Variants in SNRPN observed in about 807,000 individuals in gnomAD.
SNRPN encodes the protein small nuclear ribonucleoprotein-associated protein N.
A neutral mutation model predicts 25.2 loss-of-function variants in SNRPN; 7 were observed. That is an observed-to-expected ratio of 0.28 (90% CI 0.16 to 0.52). SNRPN has a LOEUF of 0.52. Among genes scored for constraint, SNRPN ranks in the 20% least tolerant of loss-of-function variants. The probability of loss-of-function intolerance (pLI) is 0.96; values close to 1 mark genes in which losing one functional copy is unlikely to be tolerated. For missense variants in SNRPN, 196 were observed against 322.5 expected (o/e 0.61, Z 3.00); for synonymous variants, 124 against 110.6 (o/e 1.12, Z -0.76).
intron 1 of SNRPN, among the ~76,000 whole-genome samples, chr15:24,874,444 AGGTG>A (rs1023271156): frequency 6.6e-6 from 1 of 152,100 alleles, no homozygotes; most frequent in African/African-American, 2.4e-5. Context: ...TTTAGAGTAA[AGGTG>A]GTAGATGCAA....
rs190426920 is a variant in SNRPN, at chr15:24,937,718, C to T, written c.-391+17594C>T. 8.7e-3 allele frequency among the ~76,000 whole-genome samples: 1,323 copies of T among 152,300 alleles called. 11 individuals carry two copies. Among genetic ancestry groups the T allele is most frequent in the Non-Finnish European group, 0.013 (888 of 68,012 alleles). On this transcript the variant is annotated intron_variant, in intron 3 of 11. Transcript: ENST00000400097. ...CCATCACCACTGTCTAGCTCTAGAA[C>T]TTTTTGTCTTACAAAACTGAAAATT... is the stretch of plus-strand genomic sequence containing the variant.
chr15:24,923,718 G>C (rs2060173343), intron 3 of SNRPN, among the ~76,000 whole-genome samples: 1 of 151,940 alleles, frequency 6.6e-6, no homozygotes, highest in Non-Finnish European at 1.5e-5. Flanking sequence ...AAACATACTT[G>C]TCTGAGCCCA....
At chr15:24,925,389 C>T (rs1003798901) in intron 3 of SNRPN, among the ~76,000 whole-genome samples, 13 of 151,764 alleles carry the variant, frequency 8.6e-5, no homozygotes, top group African/African-American at 1.9e-4. Context: ...ATGGGAAGAT[C>T]GCTCAAGGCC....
At chr15:24,865,625 G>C (rs1341271906) in intron 1 of SNRPN, among the ~76,000 whole-genome samples, 4 of 152,154 alleles carry the variant, frequency 2.6e-5, no homozygotes, top group Non-Finnish European at 4.4e-5. Context: ...TTAGCTGCTA[G>C]AGAAAAAGAT....
Position 24,867,626 on chromosome 15 carries a change from G to A in SNRPN, c.-579+10910G>A, listed in dbSNP as rs138317309. Among the ~76,000 whole-genome samples, 1,323 of 143,462 alleles carry A rather than the reference G, an allele frequency of 9.2e-3. 20 individuals are homozygous for A. Among genetic ancestry groups the A allele is most frequent in the African/African-American group, 0.031 (1,219 of 39,842 alleles). 94.1% of individuals were successfully genotyped at this position (143,462 alleles called of 152,430 possible). On this transcript the variant is annotated intron_variant, in intron 1 of 11. Coordinates refer to the SNRPN transcript ENST00000400097. ...CCTGACCTCATGATCCACCCGCCTC[G>A]GCCTCCCAAAGTGCTGGGATTACAG...
chr15:24,905,440 C>T (rs1025614593), intron 2 of SNRPN, among the ~76,000 whole-genome samples: 5 of 145,548 alleles, frequency 3.4e-5, no homozygotes, highest in East Asian at 2.1e-4. Context: ...ACCCGGGAGG[C>T]GGAGGTGGCA....
In SNRPN at chr15:24,929,356, T is replaced by C. The variant is rs74003515; in HGVS notation, c.-391+9232T>C. Among the ~76,000 whole-genome samples the C allele has an allele frequency of 0.02, 3,047 of 152,140 alleles. 86 individuals are homozygous for C. Among genetic ancestry groups the C allele is most frequent in the African/African-American group, 0.069 (2,863 of 41,524 alleles). On this transcript the variant is annotated intron_variant, in intron 3 of 11. Transcript: ENST00000400097. This position sits in a 1 kb window ranked among gnomAD's most constrained non-coding sequence, Gnocchi z 5.3. Reference sequence around the variant, plus strand: ...TTTCCCTACTCTCCCCCTTGCCTCCTAGGGTCCCCTTTCCTCTCATCAGTT... The same window carrying C: ...TTTCCCTACTCTCCCCCTTGCCTCCCAGGGTCCCCTTTCCTCTCATCAGTT...
intron 2 of SNRPN, among the ~76,000 whole-genome samples, chr15:24,847,017 A>G (rs1276448809): frequency 6.6e-6 from 1 of 152,162 alleles, no homozygotes; most frequent in Non-Finnish European, 1.5e-5. Flanking sequence ...TTCACAAAAA[A>G]TTTTAGTATT....
chr15:24,953,549 C>A (rs889201050), upstream of SNRPN, among the ~76,000 whole-genome samples: 4 of 152,166 alleles, frequency 2.6e-5, no homozygotes, highest in African/African-American at 7.2e-5. Context: ...TCTCGATCTC[C>A]TGACCTCGTG....
chr15:24,954,202 A>G (rs561577847), upstream of SNRPN, among the ~76,000 whole-genome samples: 1 of 152,154 alleles, frequency 6.6e-6, no homozygotes, highest in East Asian at 1.9e-4. Flanking sequence ...TTACTTGTCC[A>G]TTAGTATTAT....
upstream of SNRPN, among the ~76,000 whole-genome samples, chr15:24,852,572 T>C (rs1351242617): frequency 2.0e-5 from 3 of 152,236 alleles, no homozygotes; most frequent in African/African-American, 7.2e-5. Context: ...AAATTAAACA[T>C]ATTTTTCCAA....
intron 2 of SNRPN, among the ~76,000 whole-genome samples, chr15:24,834,986 A>AATAG (rs10678777): frequency 0.13 from 5,914 of 44,962 alleles, 1,717 homozygotes; most frequent in East Asian, 0.35. Flanking sequence ...CTATATATAA[A>AATAG]ATAGATATAT....
intron 1 of SNRPN, among the ~76,000 whole-genome samples, chr15:24,959,203 A>T (rs1260603161): frequency 1.3e-5 from 2 of 152,212 alleles, no homozygotes; most frequent in Non-Finnish European, 2.9e-5. Flanking sequence ...TGATGTCCTC[A>T]GTTTCATAAA....
At chr15:24,918,889 C>CA (rs2059819493) in intron 2 of SNRPN, among the ~76,000 whole-genome samples, 1 of 73,754 alleles carries the variant, frequency 1.4e-5, no homozygotes, top group Non-Finnish European at 2.5e-5. Context: ...ATATATATAA[C>CA]ATAATATATA....
Position 24,923,106 on chromosome 15 carries a change from A to G in SNRPN, c.-391+2982A>G, listed in dbSNP as rs539368198. ...TTTTTAGCAGAGATGGGGTTTTACCATGTTGTCCAGGCTGGTCTCGAACTC... is the reference window on the plus strand; with the variant it reads ...TTTTTAGCAGAGATGGGGTTTTACCGTGTTGTCCAGGCTGGTCTCGAACTC... On this transcript the variant is annotated intron_variant, in intron 3 of 11. Transcript: ENST00000400097. Among the ~76,000 whole-genome samples, 34 of 152,030 alleles carry G rather than the reference A, an allele frequency of 2.2e-4. 1 individual carries two copies. Among genetic ancestry groups the G allele is most frequent in the East Asian group, 9.7e-4 (5 of 5,156 alleles).
At chr15:24,950,466 C>G (rs529051300), upstream of SNRPN, among the ~76,000 whole-genome samples, 11 of 151,692 alleles carry the variant, frequency 7.3e-5, no homozygotes, top group South Asian at 2.3e-3. Context: ...TGAGCCACCA[C>G]CAGTTTTTTA....
chr15:24,962,127 C>T lies in SNRPN; in HGVS notation c.-377C>T. The T allele has an allele frequency of 6.2e-7, 1 of 1,614,098 alleles. No homozygotes were observed. Among genetic ancestry groups the T allele is most frequent in the Non-Finnish European group, 8.5e-7 (1 of 1,180,014 alleles). On this transcript the variant is annotated 5_prime_UTR_variant, in exon 2 of 10. Transcript: ENST00000390687. ...TTTCTGTTTCAGGGATCGCTTACAC[C>T]TGAGACGAACTACAGAACAGCACGT...
At chr15:24,960,091 CCT>C (rs964199725) in intron 1 of SNRPN, among the ~76,000 whole-genome samples, 32 of 152,004 alleles carry the variant, frequency 2.1e-4, no homozygotes, top group African/African-American at 7.2e-4. Context: ...ATGGTGAAAC[CCT>C]GTCTCTACTA....
intron 3 of SNRPN, among the ~76,000 whole-genome samples, chr15:24,927,475 AATTTTTTTTTTTTTTTTT>A (rs1451614527): frequency 0.014 from 1,616 of 113,276 alleles, 91 homozygotes; most frequent in African/African-American, 0.016. Flanking sequence ...AAAGTTTTTA[AATTTTTTTTTTTTTTTTT>A]TTTTTTTTTT....
Sources: gnomAD v4.1 joint callset for allele counts (sites outside exome capture counted in the v4.1 genomes callset) on GRCh38, gnomAD v4.1.1 for gene constraint, Gnocchi (gnomAD v3.1) non-coding constraint, MANE v1.5 for transcripts, NCBI Gene and HGNC (gene_info 2026-07-23, HGNC 2026-07-21) for gene names.